Variants in GSTO2 observed in about 807,000 individuals in gnomAD.
GSTO2 encodes the protein glutathione S-transferase omega-2.
In GSTO2, 23 loss-of-function variants were observed where a neutral mutation model predicts 28.4. The ratio of observed to expected loss-of-function variants is 0.81; its 90% CI spans 0.58 to 1.15. GSTO2 has a LOEUF of 1.15. Ranked by LOEUF, GSTO2 falls within the 50% of genes most tolerant of loss-of-function variation. GSTO2 has a pLI of 0.00. For synonymous variants in GSTO2, 109 were observed against 111.0 expected, an observed-to-expected ratio of 0.98 and a Z score of 0.11; for missense variants, 298 against 297.8, an observed-to-expected ratio of 1.00 and a Z score of 0.00.
chr10:104,275,134 C>G (rs996373557), intron 2 of GSTO2, 92 bp from the exon 3 acceptor site: 1 of 1,523,510 alleles, frequency 6.6e-7, no homozygotes, highest in Non-Finnish European at 8.8e-7. Context: ...GCTCCCACAG[C>G]CATCTTGGGA....
At chr10:104,270,235 G>C (rs183418019) in intron 1 of GSTO2, among the ~76,000 whole-genome samples, 4,542 of 151,256 alleles carry the variant, frequency 0.03, 161 homozygotes, top group East Asian at 0.082. Flanking sequence ...GGATGGTCTC[G>C]ATCTCTTGAC....
At position 104,275,212 on chromosome 10, in the gene GSTO2, T is replaced by C. The variant is rs2011570535; in HGVS notation, c.35-14T>C. ...CCTCTCCTTTCCCTGTCCCCCTCCA[T>C]CGCTGCTCTGCAGGAAGCCAGCCCC... On this transcript the variant is annotated splice_polypyrimidine_tract_variant and intron_variant, in intron 2 of 6. Transcript: ENST00000338595. 1 of 1,607,672 alleles carries C rather than the reference T, an allele frequency of 6.2e-7. No homozygotes were observed. Among genetic ancestry groups the C allele is most frequent in the Non-Finnish European group, 8.5e-7 (1 of 1,176,848 alleles).
chr10:104,275,208 T>C lies in GSTO2; in HGVS notation c.35-18T>C. The C allele has an allele frequency of 6.2e-7, 1 of 1,604,082 alleles. No individual in the cohort carries two copies. The highest frequency in any genetic ancestry group is 8.5e-7 in the Non-Finnish European group (1 of 1,175,044). On this transcript the variant is annotated intron_variant, in intron 2 of 6. Transcript: ENST00000338595. Reference sequence around the variant, plus strand: ...CTAGCCTCTCCTTTCCCTGTCCCCCTCCATCGCTGCTCTGCAGGAAGCCAG... The same window carrying C: ...CTAGCCTCTCCTTTCCCTGTCCCCCCCCATCGCTGCTCTGCAGGAAGCCAG...
chr10:104,271,948 T>A (rs1403167634), intron 1 of GSTO2, among the ~76,000 whole-genome samples: 1 of 152,236 alleles, frequency 6.6e-6, no homozygotes, highest in Non-Finnish European at 1.5e-5. Flanking sequence ...TAGCTCAATA[T>A]CTAAGAATGA....
rs1371773139 is a variant in GSTO2, at chr10:104,301,485, T to C, written c.*2201T>C. On this transcript the variant is annotated 3_prime_UTR_variant, in exon 7 of 7. Coordinates refer to ENST00000338595, the MANE Select transcript of GSTO2 (RefSeq NM_183239.2). ...TTACACTTCCTCCATCTCGCTTCTT[T>C]GTCACTTGTCTGACCCACAGAGAAA... is the stretch of plus-strand genomic sequence containing the variant. The C allele has an allele frequency of 6.6e-6, 1 of 152,244 alleles. No individual in the cohort carries two copies. Among genetic ancestry groups the C allele is most frequent in the Non-Finnish European group, 1.5e-5 (1 of 68,048 alleles). 9.4% of individuals were successfully genotyped at this position (152,244 alleles called of 1,614,324 possible).
chr10:104,274,690 A>C lies in GSTO2; in HGVS notation c.-226A>C. The C allele has an allele frequency of 1.7e-6, 1 of 587,576 alleles. No individual in the cohort carries two copies. Among genetic ancestry groups the C allele is most frequent in the Non-Finnish European group, 3.0e-6 (1 of 335,638 alleles). 36.4% of individuals were successfully genotyped at this position (587,576 alleles called of 1,614,324 possible). A position where few individuals can be genotyped will look rare whatever the true frequency, so the allele number is the denominator to read the frequency against. On this transcript the variant is annotated 5_prime_UTR_variant, in exon 2 of 7. Transcript: ENST00000338595. ...CTTGTTTTGTTTTTTGCCAGCTCCT[A>C]CTCTCGGGCTTCCAAATCTGGGGCG...
At position 104,297,581 on chromosome 10, in the gene GSTO2, C is replaced by T. The variant is rs34145840; in HGVS notation, c.472C>T (p.Leu158Phe). The T allele has an allele frequency of 1.2e-6, 2 of 1,603,766 alleles. No homozygotes were observed. Among genetic ancestry groups the T allele is most frequent in the South Asian group, 1.1e-5 (1 of 90,776 alleles). ...RQEFSNLEEI[L>F]EYQNTTFFGG... ...TTTGCTTTGTTTCCATTTTTAGATT[C>T]TTGAGTATCAGAACACCACCTTCTT... Residue 158 changes from leucine (L) to phenylalanine (F), a missense_variant, in exon 6 of 7, where the codon CTT becomes TTT. Physicochemically the swap from Leu to Phe is conservative, Grantham distance 22 (BLOSUM62 0). Transcript: ENST00000338595.
chr10:104,269,301 G>A (rs1172719170), intron 1 of GSTO2, 32 bp downstream of exon 1: 1 of 152,254 alleles, frequency 6.6e-6, no homozygotes, highest in Non-Finnish European at 1.5e-5. Flanking sequence ...TGTATTGGAA[G>A]GGAAGAGGGG....
chr10:104,299,211 A>G lies in GSTO2; in HGVS notation c.659A>G (p.Lys220Arg). 6.2e-7 allele frequency: 1 copy of G among 1,614,228 alleles called. No individual in the cohort carries two copies. The highest frequency in any genetic ancestry group is 1.6e-4 in the Middle Eastern group (1 of 6,062). ...DPTVCALLMD[K>R]SIFQGFLNLY... ...ACAGTCTGTGCTCTTCTCATGGATA[A>G]GAGCATTTTCCAGGGCTTCTTGAAT... The change falls in exon 7 of 7, where the codon AAG becomes AGG. Residue 220 changes from lysine (K) to arginine (R), a missense_variant. By Grantham distance (26) the Lys-to-Arg change is conservative. Transcript: ENST00000338595.
At chr10:104,284,152 G>C (rs1406930364) in intron 5 of GSTO2, among the ~76,000 whole-genome samples, 2 of 151,938 alleles carry the variant, frequency 1.3e-5, no homozygotes, top group Non-Finnish European at 2.9e-5. Context: ...TTTAATCCAG[G>C]AGTCCGAGAC....
rs2135158363 is a variant in GSTO2, at chr10:104,302,227, C to T, written c.*2943C>T. 1 of 152,252 alleles carries T rather than the reference C, an allele frequency of 6.6e-6. No homozygotes were observed. Among genetic ancestry groups the T allele is most frequent in the South Asian group, 2.1e-4 (1 of 4,828 alleles). 9.4% of individuals were successfully genotyped at this position (152,252 alleles called of 1,614,324 possible). The stretch of plus-strand genomic sequence containing the variant: ...CAATCGAATCACCTCCCTTGAGGTC[C>T]CTCCCCCAACATGTGGGGATTATAA... On this transcript the variant is annotated 3_prime_UTR_variant, in exon 7 of 7. Coordinates refer to ENST00000338595, the MANE Select transcript of GSTO2 (RefSeq NM_183239.2).
intron 5 of GSTO2, chr10:104,286,020 C>T (rs10437481): frequency 0.034 from 9,213 of 271,680 alleles, 847 homozygotes; most frequent in African/African-American, 0.19. Context: ...AGACTACAAG[C>T]TAAATTTTTT....
chr10:104,298,983 A>G (rs2013167163), intron 6 of GSTO2, 145 bp from the exon 7 acceptor site: 1 of 689,144 alleles, frequency 1.5e-6, no homozygotes. Context: ...CCAGTAAGTT[A>G]TCATTCTCAC....
chr10:104,271,743 C>T (rs1015237825), intron 1 of GSTO2, among the ~76,000 whole-genome samples: 1 of 152,232 alleles, frequency 6.6e-6, no homozygotes, highest in Non-Finnish European at 1.5e-5. Context: ...TCCCAACTCT[C>T]AGAGTTAGTT....
chr10:104,280,013 A>C (rs939295513), intron 5 of GSTO2, among the ~76,000 whole-genome samples: 7 of 151,976 alleles, frequency 4.6e-5, no homozygotes, highest in African/African-American at 1.7e-4. Flanking sequence ...AATAATTTTA[A>C]AAATTAGCCA....
rs1480985227 is a variant in GSTO2, at chr10:104,304,628, T to C, written c.*5344T>C. On this transcript the variant is annotated 3_prime_UTR_variant, in exon 7 of 7. Coordinates refer to ENST00000338595, the MANE Select transcript of GSTO2 (RefSeq NM_183239.2). ...ATGCAAGGGCTTAGTACCAGCTGGG[T>C]GAAACTCAGTGAATGGCAGGCAACC... 6.6e-6 allele frequency: 1 copy of C among 152,206 alleles called. No homozygotes were observed. Among genetic ancestry groups the C allele is most frequent in the East Asian group, 1.9e-4 (1 of 5,196 alleles). The allele number at this position is 152,206 out of a possible 1,614,324, so 9.4% of individuals were successfully genotyped here. A position where few individuals can be genotyped will look rare whatever the true frequency, so the allele number is the denominator to read the frequency against.
chr10:104,272,582 T>C (rs540400655), intron 1 of GSTO2, among the ~76,000 whole-genome samples: 1 of 133,962 alleles, frequency 7.5e-6, no homozygotes, highest in East Asian at 2.1e-4. Context: ...AGAACAGTTA[T>C]GGGACTTTTT....
intron 6 of GSTO2, among the ~76,000 whole-genome samples, chr10:104,298,496 G>A (rs1412350608): frequency 6.6e-6 from 1 of 152,180 alleles, no homozygotes; most frequent in Non-Finnish European, 1.5e-5. Context: ...ACAAAAGGCT[G>A]TATCCTCTGA....
chr10:104,276,017 C>T (rs1484240779), intron 3 of GSTO2, among the ~76,000 whole-genome samples: 1 of 152,182 alleles, frequency 6.6e-6, no homozygotes, highest in Admixed American at 6.5e-5. Context: ...TCCTGCAGGT[C>T]TGGATTTGGA....
Sources: gnomAD v4.1 joint callset for allele counts (sites outside exome capture counted in the v4.1 genomes callset) on GRCh38, gnomAD v4.1.1 for gene constraint, MANE v1.5 for transcripts, NCBI Gene and HGNC (gene_info 2026-07-23, HGNC 2026-07-21) for gene names.